The following ADK variants were observed in gnomAD, a reference collection of about 807,000 sequenced individuals.
ADK encodes the protein N6,N6-dimethyladenosine kinase.
A neutral mutation model predicts 44.7 loss-of-function variants in ADK; 24 were observed. The ratio of observed to expected loss-of-function variants is 0.54; its 90% CI spans 0.39 to 0.76. The LOEUF (loss-of-function observed/expected upper bound fraction) is 0.76. Among genes scored for constraint, ADK ranks in the 30% least tolerant of loss-of-function variants. The probability of loss-of-function intolerance (pLI) is 0.00; values close to 1 mark genes in which losing one functional copy is unlikely to be tolerated. For synonymous variants in ADK, 128 were observed against 142.6 expected (o/e 0.90, Z 0.73); for missense variants, 321 against 425.1 (o/e 0.76, Z 2.15).
intron 3 of ADK, among the ~76,000 whole-genome samples, chr10:74,253,128 A>G (rs1364426212): frequency 1.3e-5 from 2 of 152,254 alleles, no homozygotes; most frequent in African/African-American, 4.8e-5. Context: ...TTTGCCCAGA[A>G]AAGAATTCAA....
intron 3 of ADK, among the ~76,000 whole-genome samples, chr10:74,240,372 T>TTTTGTGTGTGTG (rs150993746): frequency 6.8e-6 from 1 of 147,244 alleles, no homozygotes; most frequent in East Asian, 2.0e-4. Flanking sequence ...TCCTTTTATT[T>TTTTGTGTGTGTG]TGTGTGTGTG....
chr10:74,682,706 TGGGACTACAG>T (rs1217074997), intron 10 of ADK, among the ~76,000 whole-genome samples: 10 of 151,946 alleles, frequency 6.6e-5, no homozygotes, highest in Admixed American at 2.6e-4. Context: ...CCCAAGTAGC[TGGGACTACAG>T]GTGTGCACCA....
intron 3 of ADK, among the ~76,000 whole-genome samples, chr10:74,232,789 C>T (rs1358995210): frequency 1.3e-5 from 2 of 152,118 alleles, no homozygotes; most frequent in African/African-American, 4.8e-5. Flanking sequence ...CCACACCCGG[C>T]TGATTTTTCT....
intron 1 of ADK, among the ~76,000 whole-genome samples, chr10:74,186,785 GGTGT>G (rs1456456893): frequency 6.6e-6 from 1 of 152,070 alleles, no homozygotes; most frequent in Non-Finnish European, 1.5e-5. Flanking sequence ...CACCCATTTT[GGTGT>G]GTGTATCAGT....
chr10:74,373,733 G>A (rs1475961430), intron 4 of ADK, among the ~76,000 whole-genome samples: 1 of 152,132 alleles, frequency 6.6e-6, no homozygotes, highest in Non-Finnish European at 1.5e-5. Flanking sequence ...AGCCTTTTTG[G>A]AAAAGAGTCT....
intron 3 of ADK, among the ~76,000 whole-genome samples, chr10:74,247,319 G>A (rs112949682): frequency 0.019 from 2,661 of 139,570 alleles, 43 homozygotes; most frequent in Middle Eastern, 0.028. Context: ...GCTCACTGCA[G>A]CCTTCACTGC....
chr10:74,698,542 C>A (rs1025280528), intron 10 of ADK, among the ~76,000 whole-genome samples: 1 of 152,092 alleles, frequency 6.6e-6, no homozygotes, highest in Admixed American at 6.6e-5. Flanking sequence ...CTAAAAAGAG[C>A]AGACTTTTTT....
chr10:74,685,128 AC>A (rs1855742972), intron 10 of ADK, among the ~76,000 whole-genome samples: 1 of 152,198 alleles, frequency 6.6e-6, no homozygotes, highest in South Asian at 2.1e-4. Flanking sequence ...AAAATCACCC[AC>A]CTAGAAAATG....
chr10:74,438,452 G>A (rs1029044485), intron 6 of ADK, among the ~76,000 whole-genome samples: 11 of 150,674 alleles, frequency 7.3e-5, no homozygotes, highest in South Asian at 2.1e-4. Flanking sequence ...GAGTGGTCTC[G>A]AACTCCTGAC....
At chr10:74,543,771 C>A (rs1252040609) in intron 7 of ADK, among the ~76,000 whole-genome samples, 1 of 152,088 alleles carries the variant, frequency 6.6e-6, no homozygotes, top group African/African-American at 2.4e-5. Flanking sequence ...GTTGAACCAG[C>A]CAATTCATTT....
At chr10:74,550,052 C>T (rs929083432) in intron 7 of ADK, among the ~76,000 whole-genome samples, 3 of 149,312 alleles carry the variant, frequency 2.0e-5, no homozygotes, top group Admixed American at 1.4e-4. Context: ...CACATGTTAG[C>T]ATAAATCAGA....
chr10:74,336,107 T>C (rs1841400977), intron 4 of ADK, among the ~76,000 whole-genome samples: 1 of 152,224 alleles, frequency 6.6e-6, no homozygotes, highest in Non-Finnish European at 1.5e-5. Context: ...GATTTACTCC[T>C]ATATTTTCTA....
intron 6 of ADK, among the ~76,000 whole-genome samples, chr10:74,508,116 A>T (rs1848153494): frequency 6.6e-6 from 1 of 152,164 alleles, no homozygotes; most frequent in Admixed American, 6.5e-5. Flanking sequence ...ACTATCGTGG[A>T]GCACTTTGAA....
intron 3 of ADK, among the ~76,000 whole-genome samples, chr10:74,309,499 A>G (rs1303394459): frequency 6.6e-6 from 1 of 152,210 alleles, no homozygotes; most frequent in Non-Finnish European, 1.5e-5. Flanking sequence ...AGTCACAAAT[A>G]AGCTGTACCT....
rs141424052 is a variant in ADK, at chr10:74,258,947, GTTTTTTTTTTT to G, written c.194+34368_194+34378del. 6.2e-5 allele frequency among the ~76,000 whole-genome samples: 6 copies of G among 96,128 alleles called. No homozygotes were observed. The South Asian group carries it at 1.4e-3, about 22-fold the overall frequency. The allele number at this position is 96,128 out of a possible 152,430, so 63.1% of individuals were successfully genotyped here. ...TTTTGTTGTTGTTGTTTGTTTTTGT[GTTTTTTTTTTT>G]TTTTTTTTTTTGAGACGGAGTCTCC... On this transcript the variant is annotated intron_variant, in intron 3 of 10. Transcript: ENST00000539909.
intron 3 of ADK, among the ~76,000 whole-genome samples, chr10:74,277,148 C>T (rs1846719501): frequency 6.6e-6 from 1 of 152,122 alleles, no homozygotes; most frequent in Non-Finnish European, 1.5e-5. Context: ...GAACTCTTGA[C>T]CTCGGGTGAT....
intron 4 of ADK, chr10:74,344,528 A>G (rs1023791506): frequency 3.0e-5 from 7 of 237,232 alleles, no homozygotes; most frequent in African/African-American, 1.2e-4. Context: ...GCTGTTGGCA[A>G]TCTAGGACTT....
intron 3 of ADK, among the ~76,000 whole-genome samples, chr10:74,257,806 C>G (rs983748266): frequency 6.6e-6 from 1 of 152,008 alleles, no homozygotes; most frequent in Non-Finnish European, 1.5e-5. Context: ...TGTAAATAAA[C>G]GATTAGCAAT....
intron 3 of ADK, among the ~76,000 whole-genome samples, chr10:74,312,227 G>A (rs1840457895): frequency 6.6e-6 from 1 of 152,098 alleles, no homozygotes; most frequent in South Asian, 2.1e-4. Flanking sequence ...TTTATATGGA[G>A]TGCAAAAAAC....
Sources: gnomAD v4.1 joint callset for allele counts (sites outside exome capture counted in the v4.1 genomes callset) on GRCh38, gnomAD v4.1.1 for gene constraint, MANE v1.5 for transcripts, NCBI Gene and HGNC (gene_info 2026-07-23, HGNC 2026-07-21) for gene names.